MAP4K3: variants seen among roughly 807,000 people sequenced by gnomAD.
MAP4K3 encodes the protein mitogen-activated protein kinase kinase kinase kinase 3, also known as MAPK/ERK kinase kinase kinase 3.
In MAP4K3, 94 loss-of-function variants were observed where a neutral mutation model predicts 143.5. That is an observed-to-expected ratio of 0.65 (90% CI 0.55 to 0.78). MAP4K3 has a LOEUF of 0.78. Among genes scored for constraint, MAP4K3 ranks in the 30% least tolerant of loss-of-function variants. The probability of loss-of-function intolerance (pLI) is 0.00; values close to 1 mark genes in which losing one functional copy is unlikely to be tolerated. For missense variants in MAP4K3, 1,077 were observed against 1,068.1 expected (o/e 1.01, Z -0.12); for synonymous variants, 416 against 347.2 (o/e 1.20, Z -2.20).
intron 19 of MAP4K3, 23 bp downstream of exon 19, chr2:39,290,269 A>G (rs770125081): frequency 1.3e-6 from 2 of 1,585,718 alleles, no homozygotes; most frequent in South Asian, 1.2e-5. Context: ...ACATATATCA[A>G]ATTGAAAAAT....
rs540791706 is a variant in MAP4K3 at position 39,348,300 on chromosome 2, T to A, written c.246-4848A>T. ...TCTTCCTTTGCTTAAATATACAATT[T>A]TCTATTCATCCTATGTAAAATGACT... On this transcript the variant is annotated intron_variant, in intron 3 of 33. Coordinates refer to ENST00000263881, the MANE Select transcript of MAP4K3 (RefSeq NM_003618.4). Among the ~76,000 whole-genome samples, 56 of 152,198 alleles carry A rather than the reference T, an allele frequency of 3.7e-4. No individual in the cohort carries two copies. The South Asian group carries it at 0.011, about 30-fold the overall frequency.
chr2:39,416,186 G>A (rs1444864542), intron 1 of MAP4K3, among the ~76,000 whole-genome samples: 1 of 151,102 alleles, frequency 6.6e-6, no homozygotes, highest in African/African-American at 2.4e-5. Context: ...GGGTGGAGTT[G>A]GGAGGGCTGT....
intron 2 of MAP4K3, among the ~76,000 whole-genome samples, chr2:39,370,398 A>T (rs1257986969): frequency 6.6e-6 from 1 of 152,208 alleles, no homozygotes; most frequent in Non-Finnish European, 1.5e-5. Context: ...CACTCAAGGG[A>T]GATGGGAAAA....
chr2:39,286,857 C>G lies in MAP4K3; in HGVS notation c.1582G>C (p.Val528Leu). 1 of 1,594,940 alleles carries G rather than the reference C, an allele frequency of 6.3e-7. No individual in the cohort carries two copies. The highest frequency in any genetic ancestry group is 8.5e-7 in the Non-Finnish European group (1 of 1,170,866). ...TNLSRKEKKD[V>L]PKPISNGLPP... ...TTATGACTATCAATACCTACTGGTA[C>G]ATCTTTCTTTTCTTTTCTTGAAAGG... Residue 528 changes from valine (V) to leucine (L), a missense_variant, in exon 21 of 34, where the codon GTA becomes CTA. By Grantham distance (32) the Val-to-Leu change is conservative. Around this residue, in one of 2 missense-constraint regions of MAP4K3, gnomAD observed 864 missense variants for 801.2 expected, o/e 1.08. Coordinates refer to ENST00000263881, the MANE Select transcript of MAP4K3 (RefSeq NM_003618.4).
intron 2 of MAP4K3, among the ~76,000 whole-genome samples, chr2:39,360,053 A>C (rs1319651578): frequency 6.6e-6 from 1 of 152,232 alleles, no homozygotes; most frequent in Non-Finnish European, 1.5e-5. Flanking sequence ...CCTGAGGAAA[A>C]TGAGGTTTTC....
At chr2:39,431,082 C>T (rs967769838) in intron 1 of MAP4K3, among the ~76,000 whole-genome samples, 2 of 152,206 alleles carry the variant, frequency 1.3e-5, no homozygotes, top group Non-Finnish European at 2.9e-5. Context: ...TGGATTTATA[C>T]TCTAGTGGGA....
intron 3 of MAP4K3, among the ~76,000 whole-genome samples, chr2:39,350,165 C>G (rs942429441): frequency 6.6e-6 from 1 of 152,106 alleles, no homozygotes; most frequent in African/African-American, 2.4e-5. Flanking sequence ...GTTGATAATG[C>G]CAAAGGTGAG....
chr2:39,303,616 G>T (rs910590373), intron 15 of MAP4K3, among the ~76,000 whole-genome samples: 1 of 152,150 alleles, frequency 6.6e-6, no homozygotes, highest in Admixed American at 6.5e-5. Flanking sequence ...TCGGCTCCCT[G>T]CAACCTCTGC....
At chr2:39,325,994 T>A (rs771791966) in intron 9 of MAP4K3, 33 bp from the exon 10 acceptor site, 2 of 1,540,028 alleles carry the variant, frequency 1.3e-6, no homozygotes, top group Admixed American at 3.8e-5. Context: ...CACAGCATTT[T>A]AATATTTCAC....
chr2:39,335,847 G>A (rs540437126), intron 6 of MAP4K3, among the ~76,000 whole-genome samples: 2 of 152,256 alleles, frequency 1.3e-5, no homozygotes, highest in South Asian at 2.1e-4. Flanking sequence ...GAAGACATGC[G>A]CATAAGGGCA....
rs181952013 is a variant in MAP4K3 at position 39,268,359 on chromosome 2, C to T, written c.1974-1112G>A. ...TTTTTTGGACAAGGTCTCGCTCTGT[C>T]GCCCAGGCTGGAGTGCAAGGGTGTG... On this transcript the variant is annotated intron_variant, in intron 26 of 33. Coordinates refer to ENST00000263881, the MANE Select transcript of MAP4K3 (RefSeq NM_003618.4). Among the ~76,000 whole-genome samples the T allele has an allele frequency of 9.5e-4, 144 of 152,196 alleles. 1 individual carries two copies. Among genetic ancestry groups the T allele is most frequent in the African/African-American group, 3.1e-3 (128 of 41,558 alleles).
chr2:39,396,752 C>T (rs910794016), intron 1 of MAP4K3, among the ~76,000 whole-genome samples: 2 of 152,122 alleles, frequency 1.3e-5, no homozygotes, highest in Non-Finnish European at 1.5e-5. Context: ...GGATTACAGA[C>T]GTGAGCCACC....
chr2:39,315,522 T>G, intron 12 of MAP4K3, 134 bp from the exon 13 acceptor site: 1 of 568,412 alleles, frequency 1.8e-6, no homozygotes, highest in South Asian at 2.6e-5. Flanking sequence ...TGCAAATTTT[T>G]TTTTTTTAAA....
intron 2 of MAP4K3, among the ~76,000 whole-genome samples, chr2:39,367,661 T>C (rs1332089986): frequency 6.6e-6 from 1 of 152,024 alleles, no homozygotes. Flanking sequence ...GTCCCAGATA[T>C]TTGGGGGACT....
rs537767947 is a variant in MAP4K3, at chr2:39,250,386, C to T, written c.*232G>A. On this transcript the variant is annotated 3_prime_UTR_variant, in exon 34 of 34. Coordinates refer to ENST00000263881, the MANE Select transcript of MAP4K3 (RefSeq NM_003618.4). ...ATGAAGTTTCACAGAAAAAATACTG[C>T]CTATATGTACAAAGATTACATAACA... 1.4e-5 allele frequency: 6 copies of T among 435,222 alleles called. No individual in the cohort carries two copies. Among genetic ancestry groups the T allele is most frequent in the Non-Finnish European group, 2.5e-5 (6 of 243,422 alleles). 27.0% of individuals were successfully genotyped at this position (435,222 alleles called of 1,614,324 possible). A position where few individuals can be genotyped will look rare whatever the true frequency, so the allele number is the denominator to read the frequency against.
At chr2:39,281,806 T>G (rs1227665715) in intron 22 of MAP4K3, among the ~76,000 whole-genome samples, 1 of 150,332 alleles carries the variant, frequency 6.7e-6, no homozygotes, top group East Asian at 1.9e-4. Flanking sequence ...TATTTATAAT[T>G]TAAGTATTAT....
intron 2 of MAP4K3, among the ~76,000 whole-genome samples, chr2:39,371,813 A>C (rs2373529): frequency 0.98 from 148,123 of 151,380 alleles, 72,523 homozygotes; most frequent in Non-Finnish European, 1. Context: ...CTCTCTCTCT[A>C]TATATATATA....
At chr2:39,381,806 A>G (rs1666362046) in intron 1 of MAP4K3, among the ~76,000 whole-genome samples, 1 of 152,206 alleles carries the variant, frequency 6.6e-6, no homozygotes, top group African/African-American at 2.4e-5. Context: ...GCTATTCCCC[A>G]GAGCCATCCA....
chr2:39,307,833 T>C, intron 15 of MAP4K3, 110 bp downstream of exon 15: 1 of 768,884 alleles, frequency 1.3e-6, no homozygotes, highest in Non-Finnish European at 1.9e-6. Context: ...GTTTGCTAAA[T>C]GATAGCAACT....
Sources: allele counts gnomAD v4.1 joint callset (sites outside exome capture counted in the v4.1 genomes callset), GRCh38; gene constraint gnomAD v4.1.1; regional missense constraint gnomAD v4.1.1; transcripts MANE v1.5; gene names NCBI Gene and HGNC (gene_info 2026-07-23, HGNC 2026-07-21).